Variants in DOCK2 observed in about 807,000 individuals in gnomAD.
DOCK2 encodes dedicator of cytokinesis protein 2.
In DOCK2, 87 loss-of-function variants were observed where a neutral mutation model predicts 248.9. The ratio of observed to expected loss-of-function variants is 0.35; its 90% CI spans 0.29 to 0.42. DOCK2 has a LOEUF of 0.42. DOCK2 is among the 10% of genes least tolerant of loss of function. DOCK2 has a pLI of 1.00. For synonymous variants in DOCK2, 805 were observed against 821.6 expected (o/e 0.98, Z 0.35); for missense variants, 1,747 against 2,300.2 (o/e 0.76, Z 4.92).
intron 2 of DOCK2, among the ~76,000 whole-genome samples, 177 bp downstream of exon 2, chr5:169,654,663 T>C (rs1019494244): frequency 2.0e-5 from 3 of 152,276 alleles, no homozygotes; most frequent in Non-Finnish European, 4.4e-5. Context: ...TTTAGGAATG[T>C]ATGTTTCATA....
At chr5:169,789,180 T>A (rs889198950) in intron 25 of DOCK2, among the ~76,000 whole-genome samples, 1 of 152,234 alleles carries the variant, frequency 6.6e-6, no homozygotes, top group African/African-American at 2.4e-5. Context: ...CCTTTGGACA[T>A]GATCTTGTTC....
intron 22 of DOCK2, among the ~76,000 whole-genome samples, chr5:169,745,389 G>A (rs1763554746): frequency 6.6e-6 from 1 of 152,196 alleles, no homozygotes; most frequent in Admixed American, 6.5e-5. Context: ...AGTACGGCAG[G>A]CGCTAACATC....
chr5:169,782,506 T>G (rs989508783), intron 25 of DOCK2, among the ~76,000 whole-genome samples: 4 of 151,868 alleles, frequency 2.6e-5, no homozygotes, highest in African/African-American at 7.3e-5. Context: ...CTTAGTTTTT[T>G]TTTTTTTTTT....
chr5:169,882,780 A>G, intron 27 of DOCK2: 1 of 1,551,474 alleles, frequency 6.4e-7, no homozygotes, highest in South Asian at 1.2e-5. Flanking sequence ...TACTTCCTGG[A>G]CAATTTGGAA....
chr5:169,883,301 C>G (rs1443344330), intron 27 of DOCK2: 14 of 1,551,600 alleles, frequency 9.0e-6, no homozygotes, highest in Non-Finnish European at 1.2e-5. Flanking sequence ...TGAATGGCAG[C>G]TGTGGCTTTC....
chr5:169,905,747 C>A (rs1025792084), intron 27 of DOCK2, among the ~76,000 whole-genome samples: 14 of 152,186 alleles, frequency 9.2e-5, no homozygotes, highest in Non-Finnish European at 2.1e-4. Context: ...GAACTGCAAA[C>A]CACCCAGGTG....
intron 33 of DOCK2, among the ~76,000 whole-genome samples, chr5:170,020,132 A>T (rs921032053): frequency 6.6e-6 from 1 of 152,184 alleles, no homozygotes; most frequent in East Asian, 1.9e-4. Flanking sequence ...CTTCTGAAGA[A>T]TGTCTCAGCC....
intron 13 of DOCK2, among the ~76,000 whole-genome samples, chr5:169,701,050 A>G (rs935235893): frequency 2.0e-5 from 3 of 152,222 alleles, no homozygotes; most frequent in Non-Finnish European, 4.4e-5. Context: ...GATGTTAACA[A>G]TCAGTCACTT....
At chr5:169,810,882 GC>G (rs1392720999) in intron 26 of DOCK2, among the ~76,000 whole-genome samples, 1 of 150,938 alleles carries the variant, frequency 6.6e-6, no homozygotes, top group South Asian at 2.1e-4. Flanking sequence ...CATTCCACAT[GC>G]CCCCCACCCC....
At chr5:169,702,693 G>GTATA (rs1377972827) in intron 14 of DOCK2, 1 of 237,226 alleles carries the variant, frequency 4.2e-6, no homozygotes, top group Non-Finnish European at 7.8e-6. Flanking sequence ...ATGTATGTAT[G>GTATA]TATGTATTTA....
chr5:169,669,463 T>G, intron 3 of DOCK2, 135 bp downstream of exon 3: 3 of 933,468 alleles, frequency 3.2e-6, no homozygotes, highest in Non-Finnish European at 5.0e-6. Context: ...CCCTGTGCTC[T>G]CTGACCTCTG....
chr5:170,023,682 T>C (rs1448870546), intron 33 of DOCK2, among the ~76,000 whole-genome samples: 1 of 152,186 alleles, frequency 6.6e-6, no homozygotes, highest in Non-Finnish European at 1.5e-5. Context: ...ACATTCTCTT[T>C]TCCAGGTTCC....
intron 46 of DOCK2, among the ~76,000 whole-genome samples, chr5:170,070,510 A>G (rs186751834): frequency 6.6e-6 from 1 of 152,242 alleles, no homozygotes; most frequent in Non-Finnish European, 1.5e-5. Flanking sequence ...ACCTTGTGCC[A>G]CCTGTGAAGC....
chr5:169,642,965 A>G (rs1358305954), intron 1 of DOCK2, among the ~76,000 whole-genome samples: 4 of 152,074 alleles, frequency 2.6e-5, no homozygotes, highest in African/African-American at 4.8e-5. Context: ...TCAATAGTCA[A>G]TTACACATGG....
intron 33 of DOCK2, among the ~76,000 whole-genome samples, chr5:170,025,796 C>CTTCCTTCT (rs1755887974): frequency 2.1e-4 from 14 of 67,850 alleles, no homozygotes; most frequent in African/African-American, 8.0e-4. Flanking sequence ...CCCTCCCTTC[C>CTTCCTTCT]TTCCTTCCTT....
chr5:169,796,089 C>T (rs1193302116), intron 25 of DOCK2, among the ~76,000 whole-genome samples: 1 of 152,234 alleles, frequency 6.6e-6, no homozygotes, highest in Admixed American at 6.5e-5. Context: ...CAGGCTGCCA[C>T]AGTCAGGCTT....
intron 46 of DOCK2, among the ~76,000 whole-genome samples, chr5:170,073,725 TTC>T (rs1237656229): frequency 2.0e-5 from 3 of 152,326 alleles, no homozygotes; most frequent in East Asian, 1.9e-4. Context: ...AAATTTTATT[TTC>T]TGTTTGTTAA....
chr5:169,738,916 T>C (rs1352645375), intron 22 of DOCK2, among the ~76,000 whole-genome samples: 1 of 152,212 alleles, frequency 6.6e-6, no homozygotes, highest in Non-Finnish European at 1.5e-5. Flanking sequence ...GGCAGCCTGG[T>C]GGGCCCTTGG....
chr5:169,673,891 T>C (rs1438747921), intron 5 of DOCK2, among the ~76,000 whole-genome samples: 1 of 152,236 alleles, frequency 6.6e-6, no homozygotes, highest in Non-Finnish European at 1.5e-5. Context: ...GTGGTACGCG[T>C]GCCACACTTT....
Sources: allele counts gnomAD v4.1 joint callset (sites outside exome capture counted in the v4.1 genomes callset), GRCh38; gene constraint gnomAD v4.1.1; transcripts MANE v1.5; gene names NCBI Gene and HGNC (gene_info 2026-07-23, HGNC 2026-07-21).